Variants in PIGU observed in about 807,000 individuals in gnomAD.
PIGU encodes the protein GPI-anchor transamidase component PIGU.
A neutral mutation model predicts 49.9 loss-of-function variants in PIGU; 24 were observed. The observed-to-expected ratio is 0.48, with a 90% CI of 0.35 to 0.68. The LOEUF is 0.68. Among genes scored for constraint, PIGU ranks in the 30% least tolerant of loss-of-function variants. PIGU has a pLI of 0.01. For missense variants in PIGU, 490 were observed against 532.6 expected (o/e 0.92, Z 0.79); for synonymous variants, 220 against 205.7 (o/e 1.07, Z -0.59).
intron 11 of PIGU, among the ~76,000 whole-genome samples, chr20:34,571,689 G>A (rs1411040210): frequency 1.3e-5 from 2 of 152,190 alleles, no homozygotes; most frequent in African/African-American, 4.8e-5. Flanking sequence ...ATGCAAGGCT[G>A]AGAAAAAGAC....
At chr20:34,657,957 CCTCTCT>C (rs968728155) in intron 1 of PIGU, among the ~76,000 whole-genome samples, 274 of 151,354 alleles carry the variant, frequency 1.8e-3, no homozygotes, top group African/African-American at 4.6e-3. Context: ...TCACCCTCTC[CCTCTCT>C]CTCTCTCCAC....
At chr20:34,576,217 T>A (rs1174151066) in intron 10 of PIGU, among the ~76,000 whole-genome samples, 5 of 151,866 alleles carry the variant, frequency 3.3e-5, no homozygotes, top group African/African-American at 4.8e-5. Context: ...TCTAAAAAAA[T>A]TTTAAAATTT....
chr20:34,648,663 C>A (rs979195824), intron 2 of PIGU, among the ~76,000 whole-genome samples: 1 of 152,066 alleles, frequency 6.6e-6, no homozygotes, highest in Non-Finnish European at 1.5e-5. Flanking sequence ...ACCCCCCTAC[C>A]TTACCCTCCT....
chr20:34,646,691 G>A (rs891399748), intron 2 of PIGU, among the ~76,000 whole-genome samples: 29 of 152,260 alleles, frequency 1.9e-4, no homozygotes, highest in African/African-American at 6.5e-4. Flanking sequence ...TTACAGGCAG[G>A]AGCCACTGTG....
At chr20:34,565,956 C>T (rs941092421) in intron 11 of PIGU, among the ~76,000 whole-genome samples, 1 of 151,830 alleles carries the variant, frequency 6.6e-6, no homozygotes, top group East Asian at 1.9e-4. Context: ...CTCACAGGTA[C>T]ACATACACGC....
At chr20:34,563,252 C>T (rs1293165643) in intron 11 of PIGU, among the ~76,000 whole-genome samples, 2 of 152,178 alleles carry the variant, frequency 1.3e-5, no homozygotes, top group African/African-American at 4.8e-5. Context: ...TTGCAAACTA[C>T]ATACATGTAT....
intron 7 of PIGU, among the ~76,000 whole-genome samples, chr20:34,588,822 T>A (rs1983816056): frequency 6.6e-6 from 1 of 152,322 alleles, no homozygotes; most frequent in Non-Finnish European, 1.5e-5. Context: ...TTTCTAGGTA[T>A]GTATCCTGGA....
At chr20:34,565,289 GCT>G (rs1249321602) in intron 11 of PIGU, among the ~76,000 whole-genome samples, 2 of 150,694 alleles carry the variant, frequency 1.3e-5, no homozygotes, top group African/African-American at 4.9e-5. Context: ...ACGAAGTCTC[GCT>G]CTGTCACCCA....
chr20:34,578,807 C>G (rs908867615), intron 10 of PIGU, among the ~76,000 whole-genome samples: 10 of 152,278 alleles, frequency 6.6e-5, no homozygotes, highest in Admixed American at 6.5e-4. Context: ...TACGGGACAG[C>G]TTGTTCCAGG....
chr20:34,569,526 C>A (rs1032936492), intron 11 of PIGU, among the ~76,000 whole-genome samples: 3 of 152,156 alleles, frequency 2.0e-5, no homozygotes, highest in Admixed American at 6.5e-5. Context: ...CTACTGCAAC[C>A]GGCCTACTAA....
chr20:34,662,104 G>A (rs371549499), intron 1 of PIGU, among the ~76,000 whole-genome samples: 22 of 151,960 alleles, frequency 1.4e-4, no homozygotes, highest in African/African-American at 5.3e-4. Flanking sequence ...ACAGGTTCTC[G>A]CTCTATTGCC....
chr20:34,614,796 T>C (rs1235341341), intron 7 of PIGU, among the ~76,000 whole-genome samples: 3 of 152,132 alleles, frequency 2.0e-5, no homozygotes, highest in East Asian at 1.9e-4. Flanking sequence ...TAAAATAACA[T>C]GCATATGGCC....
Position 34,677,020 on chromosome 20 carries a change from G to T in PIGU, c.66C>A (p.Ser22=). The change falls in exon 1 of 12, where the codon TCC becomes TCA. Residue 22 remains serine, a synonymous_variant. Coordinates refer to ENST00000217446, the MANE Select transcript of PIGU (RefSeq NM_080476.5). ...GCTCGGAAATGAACTCGGCCAGACT[G>T]GAGCGGAACAAGGCCGCCCGCACTG... The part of the protein sequence containing the change: ...AVTVRAALFR[S]SLAEFISERV... The T allele has an allele frequency of 1.3e-6, 2 of 1,583,540 alleles. No homozygotes were observed. Among genetic ancestry groups the T allele is most frequent in the Non-Finnish European group, 1.7e-6 (2 of 1,165,508 alleles).
chr20:34,635,994 C>T (rs1259500448), intron 5 of PIGU, among the ~76,000 whole-genome samples: 1 of 150,078 alleles, frequency 6.7e-6, no homozygotes, highest in African/African-American at 2.5e-5. Flanking sequence ...AGTTCGAGAC[C>T]AGCCTAGCCA....
chr20:34,640,533 ACACC>A (rs3030034), intron 4 of PIGU, among the ~76,000 whole-genome samples: 62,473 of 133,912 alleles, frequency 0.47, 14,869 homozygotes, highest in Non-Finnish European at 0.56. Flanking sequence ...ACACACACAC[ACACC>A]CCTTAAGAAA....
chr20:34,673,173 A>G (rs997465583), intron 1 of PIGU, among the ~76,000 whole-genome samples: 14 of 151,172 alleles, frequency 9.3e-5, no homozygotes, highest in African/African-American at 3.4e-4. Flanking sequence ...AGAATGGCGT[A>G]AACCCGGGAG....
At chr20:34,625,237 G>A (rs887412212) in intron 6 of PIGU, among the ~76,000 whole-genome samples, 3 of 151,924 alleles carry the variant, frequency 2.0e-5, no homozygotes, top group African/African-American at 2.4e-5. Context: ...ATGTGGTGGC[G>A]CATGCCTGTA....
chr20:34,647,354 C>T (rs1315681706), intron 2 of PIGU, among the ~76,000 whole-genome samples: 1 of 150,514 alleles, frequency 6.6e-6, no homozygotes, highest in African/African-American at 2.4e-5. Flanking sequence ...CTCCACCTCC[C>T]GGGTTCAAGC....
chr20:34,666,020 T>C (rs1987079327), intron 1 of PIGU, among the ~76,000 whole-genome samples: 1 of 152,114 alleles, frequency 6.6e-6, no homozygotes, highest in South Asian at 2.1e-4. Flanking sequence ...ACCCCGTCTC[T>C]ACTAAGAATA....
Sources: gnomAD v4.1 joint callset for allele counts (sites outside exome capture counted in the v4.1 genomes callset) on GRCh38, gnomAD v4.1.1 for gene constraint, MANE v1.5 for transcripts, NCBI Gene and HGNC (gene_info 2026-07-23, HGNC 2026-07-21) for gene names.